PFN1: variants seen among roughly 807,000 people sequenced by gnomAD.
PFN1 encodes profilin-1.
Under a neutral mutation model 11.7 loss-of-function variants are expected in PFN1, and 2 were observed. That is an observed-to-expected ratio of 0.17 (90% confidence interval 0.07 to 0.54). The LOEUF (loss-of-function observed/expected upper bound fraction) is 0.54, where lower values mean the gene tolerates loss of function less well. PFN1 is among the 20% of genes least tolerant of loss of function. The pLI, the probability that PFN1 is intolerant of heterozygous loss-of-function variation, is 0.94. For missense variants in PFN1, 97 were observed against 188.4 expected (o/e 0.51, Z 2.84); for synonymous variants, 78 against 76.2 (o/e 1.02, Z -0.12).
In PFN1 at chr17:4,945,726, GAT is replaced by G. The variant is rs1971369991; in HGVS notation, c.*172_*173del. ...AAGTTTTCCAACCACACACGGGAGG[GAT>G]ATGGGTAGGGGGAGGTGTCTGTCCA... On this transcript the variant is annotated 3_prime_UTR_variant, in exon 3 of 3. Coordinates refer to ENST00000225655, the MANE Select transcript of PFN1 (RefSeq NM_005022.4). 1.9e-6 allele frequency: 1 copy of G among 522,558 alleles called. No individual in the cohort carries two copies. Among genetic ancestry groups the G allele is most frequent in the East Asian group, 3.1e-5 (1 of 32,246 alleles). 32.4% of individuals were successfully genotyped at this position (522,558 alleles called of 1,614,324 possible).
chr17:4,948,136 G>A (rs1052281401), intron 1 of PFN1, 127 bp downstream of exon 1: 50 of 1,147,650 alleles, frequency 4.4e-5, no homozygotes, highest in Non-Finnish European at 5.8e-5. Context: ...CATTCGCGCC[G>A]CTTCCAGGGC....
chr17:4,946,838 C>A lies in PFN1; in HGVS notation c.133-18G>T. ...TCAGCTGGCTGGAAGAGGAACCAAG[C>A]GCCCATCAAGTTAGTCAGTGCACCA... On this transcript the variant is annotated intron_variant, in intron 1 of 2. Transcript: ENST00000225655. 1.2e-6 allele frequency: 2 copies of A among 1,601,384 alleles called. No homozygotes were observed. Among genetic ancestry groups the A allele is most frequent in the Non-Finnish European group, 1.7e-6 (2 of 1,173,342 alleles).
At chr17:4,947,081 TGTCA>T (rs1379142840) in intron 1 of PFN1, 1 of 320,644 alleles carries the variant, frequency 3.1e-6, no homozygotes, top group Admixed American at 4.9e-5. Flanking sequence ...GAGATTTAGA[TGTCA>T]GTGTTAATGG....
At chr17:4,946,271 A>G (rs1971390438) in intron 2 of PFN1, among the ~76,000 whole-genome samples, 2 of 152,226 alleles carry the variant, frequency 1.3e-5, no homozygotes, top group Non-Finnish European at 2.9e-5. Context: ...CAGGCTAGAA[A>G]GGGCTGTGGA....
intron 2 of PFN1, 70 bp from the exon 3 acceptor site, chr17:4,946,067 A>G: frequency 8.4e-7 from 1 of 1,189,514 alleles, no homozygotes; most frequent in South Asian, 1.2e-5. Flanking sequence ...CCAGCTGTTC[A>G]GCAGCTGTCC....
At chr17:4,946,895 T>A in intron 1 of PFN1, 75 bp from the exon 2 acceptor site, 3 of 1,374,454 alleles carry the variant, frequency 2.2e-6, no homozygotes, top group African/African-American at 1.4e-5. Context: ...AAGACCCACC[T>A]GTCTTCCACT....
At chr17:4,948,061 A>T (rs149463580) in intron 1 of PFN1, 36 of 489,798 alleles carry the variant, frequency 7.3e-5, no homozygotes, top group African/African-American at 6.9e-4. Flanking sequence ...AGCGGGCGGG[A>T]TGGGCGCCGC....
intron 1 of PFN1, chr17:4,947,507 C>A (rs1415450490): frequency 6.6e-6 from 1 of 151,234 alleles, no homozygotes; most frequent in Non-Finnish European, 1.5e-5. Flanking sequence ...CCCCTTCCCC[C>A]CCCTTTTGAA....
chr17:4,948,504 C>G lies in PFN1; in HGVS notation c.-110G>C. The G allele has an allele frequency of 4.8e-6, 6 of 1,251,870 alleles. No homozygotes were observed. The highest frequency in any genetic ancestry group is 3.7e-5 in the Admixed American group (1 of 26,954). The allele number at this position is 1,251,870 out of a possible 1,614,324, so 77.5% of individuals were successfully genotyped here. A position where few individuals can be genotyped will look rare whatever the true frequency, so the allele number is the denominator to read the frequency against. On this transcript the variant is annotated 5_prime_UTR_variant, in exon 1 of 3. Coordinates refer to ENST00000225655, the MANE Select transcript of PFN1 (RefSeq NM_005022.4). ...GCGGAGAGCTCGGGGCACGCGCTGCCGTCCGGACCGCGGCTCCGCTCGCTG... is the reference window on the plus strand; with the variant it reads ...GCGGAGAGCTCGGGGCACGCGCTGCGGTCCGGACCGCGGCTCCGCTCGCTG...
intron 2 of PFN1, among the ~76,000 whole-genome samples, 182 bp from the exon 3 acceptor site, chr17:4,946,179 A>G (rs1971387262): frequency 1.3e-5 from 2 of 148,326 alleles, no homozygotes; most frequent in African/African-American, 2.5e-5. Context: ...TTTTCAAAAG[A>G]GGAAAATCAA....
intron 1 of PFN1, chr17:4,947,466 C>G (rs1485133083): frequency 1.3e-5 from 2 of 149,948 alleles, no homozygotes; most frequent in East Asian, 3.9e-4. Context: ...CACCCCAAGC[C>G]CCCACATCCG....
intron 1 of PFN1, 148 bp downstream of exon 1, chr17:4,948,115 C>T: frequency 1.1e-6 from 1 of 904,000 alleles, no homozygotes; most frequent in Non-Finnish European, 1.6e-6. Context: ...GACCCACTCA[C>T]GTGCAGCCGC....
rs553365734 is a variant in PFN1, at chr17:4,947,502, T to TCC, written c.133-684_133-683dup. The TCC allele has an allele frequency of 2.6e-3, 170 of 64,714 alleles. 2 individuals carry two copies. Among genetic ancestry groups the TCC allele is most frequent in the African/African-American group, 8.4e-3 (146 of 17,410 alleles). 4.0% of individuals were successfully genotyped at this position (64,714 alleles called of 1,614,324 possible). ...GTCCCCTCCCGCCCGGAAACCCCCT[T>TCC]CCCCCCCCTTTTGAACTTCCGCTCC... On this transcript the variant is annotated intron_variant, in intron 1 of 2. Coordinates refer to ENST00000225655, the MANE Select transcript of PFN1 (RefSeq NM_005022.4).
chr17:4,946,066 CAGCAGCTGTCCAGCCCT>C (rs1971381369), intron 2 of PFN1, 69 bp from the exon 3 acceptor site: 1 of 1,177,382 alleles, frequency 8.5e-7, no homozygotes, highest in Admixed American at 1.7e-5. Flanking sequence ...GCCAGCTGTT[CAGCAGCTGTCCAGCCCT>C]GGGGGCTGTA....
At chr17:4,947,685 G>A (rs575490646) in intron 1 of PFN1, among the ~76,000 whole-genome samples, 16 of 152,282 alleles carry the variant, frequency 1.1e-4, no homozygotes, top group African/African-American at 3.8e-4. Context: ...GGGACTTCCG[G>A]GATTGGCCTC....
chr17:4,948,008 G>T, intron 1 of PFN1: 1 of 362,318 alleles, frequency 2.8e-6, no homozygotes. Context: ...GCCCCTCCCC[G>T]CCCTGTGCCC....
At chr17:4,946,499 C>A (rs1361216799) in intron 2 of PFN1, 129 bp downstream of exon 2, 4 of 686,274 alleles carry the variant, frequency 5.8e-6, no homozygotes, top group Non-Finnish European at 9.8e-6. Flanking sequence ...ATCCAGCAGA[C>A]AAGGAACACA....
chr17:4,946,728 C>T lies in PFN1; in HGVS notation c.225G>A (p.Arg75=), dbSNP rs1971405652. The T allele has an allele frequency of 6.2e-7, 1 of 1,613,980 alleles. No individual in the cohort carries two copies. The part of the protein sequence containing the change: ...TLGGQKCSVI[R]DSLLQDGEFS... ...ATTCCCCATCCTGCAGCAGTGAGTC[C>T]CGGATCACCGAACATTTCTGGCCCC... Residue 75 remains arginine (R), a synonymous_variant, in exon 2 of 3, where the codon CGG becomes CGA. Coordinates refer to ENST00000225655, the MANE Select transcript of PFN1 (RefSeq NM_005022.4).
At chr17:4,946,340 A>C (rs238243) in intron 2 of PFN1, among the ~76,000 whole-genome samples, 1 of 152,078 alleles carries the variant, frequency 6.6e-6, no homozygotes, top group East Asian at 1.9e-4. Context: ...CGATGATTCA[A>C]GACCCCAACA....
Sources: gnomAD v4.1 joint callset for allele counts (sites outside exome capture counted in the v4.1 genomes callset) on GRCh38, gnomAD v4.1.1 for gene constraint, MANE v1.5 for transcripts, NCBI Gene and HGNC (gene_info 2026-07-23, HGNC 2026-07-21) for gene names.